STK3: variants seen among roughly 807,000 people sequenced by gnomAD.
STK3 encodes serine/threonine kinase 3.
In STK3, 41 loss-of-function variants were observed where a neutral mutation model predicts 58.0. That is an observed-to-expected ratio of 0.71 (90% CI 0.55 to 0.92). The LOEUF (loss-of-function observed/expected upper bound fraction) is 0.92. Among genes scored for constraint, STK3 ranks in the 40% least tolerant of loss-of-function variants. The pLI, the probability that STK3 is intolerant of heterozygous loss-of-function variation, is 0.00. For missense variants in STK3, 479 were observed against 602.7 expected (o/e 0.79, Z 2.15); for synonymous variants, 170 against 191.0 (o/e 0.89, Z 0.91).
chr8:98,614,395 C>T (rs1209301971), intron 6 of STK3, among the ~76,000 whole-genome samples: 1 of 152,136 alleles, frequency 6.6e-6, no homozygotes, highest in African/African-American at 2.4e-5. Flanking sequence ...CACTTGAAAA[C>T]TAAAGAACAC....
At chr8:98,467,102 G>T (rs1467055150) in intron 10 of STK3, among the ~76,000 whole-genome samples, 1 of 152,186 alleles carries the variant, frequency 6.6e-6, no homozygotes, top group African/African-American at 2.4e-5. Flanking sequence ...TGGGTCTACA[G>T]ATTCAGCTAG....
chr8:98,590,592 A>G (rs542446028), intron 7 of STK3, among the ~76,000 whole-genome samples: 2 of 152,318 alleles, frequency 1.3e-5, no homozygotes, highest in African/African-American at 4.8e-5. Flanking sequence ...CTCCCAAGGG[A>G]GGCCCCCCGA....
intron 3 of STK3, among the ~76,000 whole-genome samples, chr8:98,752,734 G>T (rs924356470): frequency 2.7e-4 from 41 of 151,314 alleles, no homozygotes; most frequent in African/African-American, 9.7e-4. Context: ...GCAGCTATAA[G>T]GAACTTAAAC....
chr8:98,760,413 T>C (rs1233033585), intron 3 of STK3, among the ~76,000 whole-genome samples: 1 of 152,214 alleles, frequency 6.6e-6, no homozygotes, highest in Non-Finnish European at 1.5e-5. Context: ...GCACTGGAAT[T>C]ACAGGCGTGA....
intron 10 of STK3, among the ~76,000 whole-genome samples, chr8:98,491,114 G>A (rs1822647856): frequency 6.6e-6 from 1 of 151,756 alleles, no homozygotes; most frequent in Admixed American, 6.6e-5. Flanking sequence ...TTATTACTGT[G>A]TAGTGGCATC....
chr8:98,586,083 T>C (rs1414018994), intron 7 of STK3, among the ~76,000 whole-genome samples: 1 of 152,164 alleles, frequency 6.6e-6, no homozygotes, highest in Admixed American at 6.5e-5. Context: ...TTGAATACCC[T>C]TGATTTACTT....
At chr8:98,861,308 G>A (rs543969739) in intron 3 of STK3, among the ~76,000 whole-genome samples, 6 of 147,024 alleles carry the variant, frequency 4.1e-5, no homozygotes, top group East Asian at 2.0e-4. Flanking sequence ...AACATGTCAC[G>A]TCTTGCAATG....
chr8:98,459,299 T>C (rs1819750997), intron 10 of STK3, among the ~76,000 whole-genome samples: 1 of 152,218 alleles, frequency 6.6e-6, no homozygotes, highest in Non-Finnish European at 1.5e-5. Flanking sequence ...TGATAGGGTA[T>C]CTGGGGGAAT....
At chr8:98,415,569 C>T (rs1339083171) in intron 3 of STK3, among the ~76,000 whole-genome samples, 1 of 152,214 alleles carries the variant, frequency 6.6e-6, no homozygotes, top group Non-Finnish European at 1.5e-5. Context: ...CCTGCAACCA[C>T]AATTCTTTGA....
At chr8:98,482,874 A>G (rs1821961598) in intron 10 of STK3, among the ~76,000 whole-genome samples, 1 of 152,188 alleles carries the variant, frequency 6.6e-6, no homozygotes, top group African/African-American at 2.4e-5. Flanking sequence ...TTGACATTAA[A>G]TCTTTCAGAA....
upstream of STK3, among the ~76,000 whole-genome samples, chr8:98,390,416 A>T (rs1817837710): frequency 6.6e-6 from 1 of 152,094 alleles, no homozygotes; most frequent in South Asian, 2.1e-4. Context: ...ATACCACTAT[A>T]AGTAGTATGT....
At chr8:98,911,138 G>A (rs1839114218) in intron 1 of STK3, among the ~76,000 whole-genome samples, 1 of 152,176 alleles carries the variant, frequency 6.6e-6, no homozygotes, top group Non-Finnish European at 1.5e-5. Context: ...GTAGTTTGTT[G>A]CATGTAATCT....
At chr8:98,422,617 G>A (rs542034538) in intron 3 of STK3, among the ~76,000 whole-genome samples, 1 of 152,268 alleles carries the variant, frequency 6.6e-6, no homozygotes, top group South Asian at 2.1e-4. Context: ...ACAGGAAACC[G>A]TCTGGGAGTC....
chr8:98,757,742 A>T (rs1490608791), intron 3 of STK3, among the ~76,000 whole-genome samples: 1 of 152,160 alleles, frequency 6.6e-6, no homozygotes, highest in African/African-American at 2.4e-5. Flanking sequence ...CAAACAACAA[A>T]TATTCACTGA....
chr8:98,795,091 A>AAG (rs1833046558), intron 1 of STK3, among the ~76,000 whole-genome samples: 1 of 64,248 alleles, frequency 1.6e-5, no homozygotes, highest in South Asian at 7.3e-4. Context: ...AAAAAAAAAA[A>AAG]AAAAAAAAAA....
At chr8:98,744,021 C>T (rs1159026437) in intron 4 of STK3, among the ~76,000 whole-genome samples, 1 of 151,924 alleles carries the variant, frequency 6.6e-6, no homozygotes, top group African/African-American at 2.4e-5. Flanking sequence ...CAAATCAAAA[C>T]CACAATGAGA....
chr8:98,346,646 C>T, the STK3 span, among the ~76,000 whole-genome samples: 1 of 151,856 alleles, frequency 6.6e-6, no homozygotes, highest in Non-Finnish European at 1.5e-5. Context: ...CAGCAGATTT[C>T]TCCTTGGGAG....
intron 8 of STK3, among the ~76,000 whole-genome samples, chr8:98,552,433 A>G (rs1811243563): frequency 6.6e-6 from 1 of 152,104 alleles, no homozygotes; most frequent in Admixed American, 6.6e-5. Context: ...ATATCTGCCA[A>G]TCCCATCTCC....
Position 98,767,230 on chromosome 8 carries a change from A to C in STK3, c.236+13T>G. On this transcript the variant is annotated intron_variant, in intron 3 of 10. Coordinates refer to ENST00000419617, the MANE Select transcript of STK3 (RefSeq NM_006281.4). ...AAAACAAGGGTAAGCAAAGAAATAA[A>C]ATCTCTTCATACCTGTCACATTGCT... The C allele has an allele frequency of 3.2e-6, 5 of 1,573,972 alleles. No homozygotes were observed. The highest frequency in any genetic ancestry group is 4.3e-6 in the Non-Finnish European group (5 of 1,165,620).
Sources: gnomAD v4.1 joint callset for allele counts (sites outside exome capture counted in the v4.1 genomes callset) on GRCh38, gnomAD v4.1.1 for gene constraint, MANE v1.5 for transcripts, NCBI Gene and HGNC (gene_info 2026-07-23, HGNC 2026-07-21) for gene names.